Variants in TMEM35A observed in about 807,000 individuals in gnomAD.
The protein encoded by TMEM35A is nicotinic acetylcholine receptor chaperone.
For missense variants in TMEM35A, 83 were observed against 132.7 expected, an observed-to-expected ratio of 0.63 and a Z score of 1.84; for synonymous variants, 50 against 54.7, an observed-to-expected ratio of 0.91 and a Z score of 0.38.
intron 1 of TMEM35A, among the ~76,000 whole-genome samples, chrX:101,092,927 C>T (rs1239628008): frequency 5.4e-5 from 6 of 111,527 alleles, no homozygotes; most frequent in Non-Finnish European, 9.4e-5. Context: ...AAAGTAGCTT[C>T]TTATAAAGGT....
chrX:101,092,140 G>C (rs1413334066), intron 1 of TMEM35A, among the ~76,000 whole-genome samples: 1 of 110,488 alleles, frequency 9.1e-6, no homozygotes, highest in Non-Finnish European at 1.9e-5. Context: ...ACAGTGCCTA[G>C]CACAAGGAGG....
In TMEM35A at chrX:101,095,230, G is replaced by A; in HGVS notation, c.*274G>A. The A allele has an allele frequency of 6.7e-6, 2 of 299,797 alleles. No homozygotes were observed. Among genetic ancestry groups the A allele is most frequent in the Non-Finnish European group, 1.2e-5 (2 of 172,701 alleles). 24.7% of individuals were successfully genotyped at this position (299,797 alleles called of 1,213,427 possible). A position where few individuals can be genotyped will look rare whatever the true frequency, so the allele number is the denominator to read the frequency against. On this transcript the variant is annotated 3_prime_UTR_variant, in exon 2 of 2. Coordinates refer to ENST00000372930, the MANE Select transcript of TMEM35A (RefSeq NM_021637.3). The stretch of plus-strand genomic sequence containing the variant: ...TACTATTGAAGTGTAATTGTGAGAT[G>A]GACTCCAACAAGCATGTGACTGTGA...
At chrX:101,087,760 G>C (rs897970382) in intron 1 of TMEM35A, among the ~76,000 whole-genome samples, 6 of 111,885 alleles carry the variant, frequency 5.4e-5, no homozygotes, top group African/African-American at 1.9e-4. Flanking sequence ...CTGACTATAA[G>C]AAACTCATCC....
intron 1 of TMEM35A, among the ~76,000 whole-genome samples, chrX:101,084,173 A>T (rs993956865): frequency 8.7e-5 from 7 of 80,582 alleles, no homozygotes; most frequent in African/African-American, 2.3e-4. Flanking sequence ...GGGCAACAAG[A>T]GGGAAACTCC....
chrX:101,091,300 C>T (rs1380105466), intron 1 of TMEM35A, among the ~76,000 whole-genome samples: 1 of 82,176 alleles, frequency 1.2e-5, no homozygotes, highest in Non-Finnish European at 2.3e-5. Flanking sequence ...TTCTCTCTCT[C>T]TCTTTTTTTT....
chrX:101,079,189 T>C (rs1660357187), intron 1 of TMEM35A, 67 bp downstream of exon 1: 2 of 1,161,062 alleles, frequency 1.7e-6, no homozygotes, highest in East Asian at 3.1e-5. Flanking sequence ...TCCCCTTTTT[T>C]CCTTCTCAGT....
chrX:101,094,943 T>G lies in TMEM35A; in HGVS notation c.491T>G (p.Val164Gly). ...SLYEKAPQGK[V>G]KVS ...TATGAGAAGGCCCCTCAGGGCAAAG[T>G]GAAGGTGTCATAGAAAAGTGGAAGT... Residue 164 changes from valine to glycine, a missense_variant, in exon 2 of 2, where the codon GTG (valine) becomes GGG (glycine). Transcript: ENST00000372930. The G allele has an allele frequency of 8.5e-7, 1 of 1,183,389 alleles. No individual in the cohort carries two copies. Among genetic ancestry groups the G allele is most frequent in the Non-Finnish European group, 1.1e-6 (1 of 885,357 alleles).
chrX:101,089,146 A>C (rs2089315897), intron 1 of TMEM35A, among the ~76,000 whole-genome samples: 1 of 111,087 alleles, frequency 9.0e-6, no homozygotes, highest in Non-Finnish European at 1.9e-5. Context: ...CCTCTCTCCT[A>C]ATTTCTCTAT....
chrX:101,090,169 C>CTTTTTTTTTTT (rs771239790), intron 1 of TMEM35A, among the ~76,000 whole-genome samples: 6 of 97,527 alleles, frequency 6.2e-5, no homozygotes, highest in African/African-American at 2.6e-4. Flanking sequence ...TTCTTTCTTT[C>CTTTTTTTTTTT]TTTTTTTTTT....
At position 101,079,056 on chromosome X, in the gene TMEM35A, C is replaced by T. The variant is rs143723066; in HGVS notation, c.54C>T (p.Leu18=). The change falls in exon 1 of 2, where the codon CTC becomes CTT. Residue 18 remains leucine, a synonymous_variant. Transcript: ENST00000372930. Reference sequence around the variant, plus strand: ...TGGCCCTCTCAGTGGCCCTGGGACTCTTCTTTGTTTTCATGGGGACTATCA... The same window carrying T: ...TGGCCCTCTCAGTGGCCCTGGGACTTTTCTTTGTTTTCATGGGGACTATCA... ...TIVALSVALG[L]FFVFMGTIKL... The T allele has an allele frequency of 2.8e-4, 336 of 1,209,675 alleles. No homozygotes were observed. The African/African-American group carries it at 5.2e-3, about 19-fold the overall frequency.
Position 101,094,605 on chromosome X carries a change from C to G in TMEM35A, c.153C>G (p.Leu51=), listed in dbSNP as rs748303170. 8.3e-7 allele frequency: 1 copy of G among 1,207,812 alleles called. No individual in the cohort carries two copies. Among genetic ancestry groups the G allele is most frequent in the African/African-American group, 1.8e-5 (1 of 56,949 alleles). The change falls in exon 2 of 2, where the codon CTC becomes CTG. Residue 51 remains leucine, a synonymous_variant. Coordinates refer to ENST00000372930, the MANE Select transcript of TMEM35A (RefSeq NM_021637.3). Reference sequence around the variant, plus strand: ...CTTACAAGAGCTATGTTCGAGCCCTCCCTCTGCTGAAGAAAATGGGGATCA... The same window carrying G: ...CTTACAAGAGCTATGTTCGAGCCCTGCCTCTGCTGAAGAAAATGGGGATCA... ...KRAYKSYVRA[L]PLLKKMGINS... is the part of the protein sequence containing the mutation.
chrX:101,081,014 G>C (rs894082881), intron 1 of TMEM35A, among the ~76,000 whole-genome samples: 28 of 111,578 alleles, frequency 2.5e-4, no homozygotes, highest in Non-Finnish European at 2.1e-4. Context: ...TTTACAGTAT[G>C]TTTCTTCCTA....
At position 101,088,068 on chromosome X, in the gene TMEM35A, C is replaced by T. The variant is rs183380900; in HGVS notation, c.121-6505C>T. On this transcript the variant is annotated intron_variant, in intron 1 of 1. Transcript: ENST00000372930. ...CAAAAATTAGCCGGGCATGGTGGTG[C>T]GCGCCTGTAGTCACAGCTACTTGGG... Among the ~76,000 whole-genome samples the T allele has an allele frequency of 9.4e-4, 99 of 105,196 alleles. No homozygotes were observed. In the East Asian group the frequency reaches 0.027, roughly 29 times the overall value. The allele number at this position is 105,196 out of a possible 115,157, so 91.4% of individuals were successfully genotyped here.
At chrX:101,090,165 C>CTTTTTTTTTTTTTTTT (rs1569495904) in intron 1 of TMEM35A, among the ~76,000 whole-genome samples, 1 of 98,161 alleles carries the variant, frequency 1.0e-5, no homozygotes, top group African/African-American at 5.1e-5. Context: ...CCATTTCTTT[C>CTTTTTTTTTTTTTTTT]TTTCTTTTTT....
intron 1 of TMEM35A, among the ~76,000 whole-genome samples, chrX:101,093,054 A>C (rs1027721797): frequency 9.0e-6 from 1 of 111,354 alleles, no homozygotes; most frequent in African/African-American, 3.3e-5. Flanking sequence ...AAACACTTTC[A>C]TTTTTATAGA....
chrX:101,087,911 C>T (rs920011456), intron 1 of TMEM35A, among the ~76,000 whole-genome samples: 1 of 111,975 alleles, frequency 8.9e-6, no homozygotes, highest in Non-Finnish European at 1.9e-5. Flanking sequence ...ACTCAGGAGG[C>T]TGAGGCGGGA....
intron 1 of TMEM35A, among the ~76,000 whole-genome samples, chrX:101,079,576 A>C (rs959608032): frequency 9.0e-6 from 1 of 111,502 alleles, no homozygotes; most frequent in South Asian, 3.8e-4. Flanking sequence ...ATGGGCTACT[A>C]AAACAAGCAA....
At chrX:101,085,226 A>C (rs1344908427) in intron 1 of TMEM35A, among the ~76,000 whole-genome samples, 6 of 111,993 alleles carry the variant, frequency 5.4e-5, no homozygotes, top group Non-Finnish European at 1.1e-4. Context: ...AGCTGTTCAA[A>C]TATAATATCA....
chrX:101,094,972 A>G lies in TMEM35A; in HGVS notation c.*16A>G. 1 of 1,161,269 alleles carries G rather than the reference A, an allele frequency of 8.6e-7. No homozygotes were observed. The highest frequency in any genetic ancestry group is 2.5e-5 in the Admixed American group (1 of 40,186). On this transcript the variant is annotated 3_prime_UTR_variant, in exon 2 of 2. Transcript: ENST00000372930. ...GGTGTCATAGAAAAGTGGAAGTGCA[A>G]AGAGTGGACCTTCCAGGCAGTTGCG...
Sources: allele counts gnomAD v4.1 joint callset (sites outside exome capture counted in the v4.1 genomes callset), GRCh38; gene constraint gnomAD v4.1.1; transcripts MANE v1.5; gene names NCBI Gene and HGNC (gene_info 2026-07-23, HGNC 2026-07-21).